Variants in CDH12 observed in about 807,000 individuals in gnomAD.
CDH12 encodes cadherin-12.
CDH12 carries 41 observed loss-of-function variants against 74.1 expected under a neutral mutation model. That is an observed-to-expected ratio of 0.55 (90% CI 0.43 to 0.72). The LOEUF is 0.72. Ranked by LOEUF, CDH12 falls within the 30% of genes least tolerant of loss-of-function variation. The pLI is 0.00. For synonymous variants in CDH12, 399 were observed against 355.0 expected (o/e 1.12, Z -1.39); for missense variants, 945 against 977.2 (o/e 0.97, Z 0.44).
intron 10 of CDH12, among the ~76,000 whole-genome samples, chr5:21,794,568 C>T (rs2149912153): frequency 6.6e-6 from 1 of 151,768 alleles, no homozygotes; most frequent in East Asian, 1.9e-4. Context: ...TGAGGTATTC[C>T]ATATCAAACC....
intron 1 of CDH12, among the ~76,000 whole-genome samples, chr5:22,790,138 A>T (rs1561032615): frequency 6.6e-6 from 1 of 152,248 alleles, no homozygotes; most frequent in South Asian, 2.1e-4. Flanking sequence ...TAATTCTAAA[A>T]CTGTTGTAAA....
At position 21,795,915 on chromosome 5, in the gene CDH12, T is replaced by A. The variant is rs370138188; in HGVS notation, c.1256+6252A>T. ...AATCAATTCCAATTGATTACAGCAA[T>A]TTTTACAAAAGTGTGGTAAAAAGAC... is the stretch of plus-strand genomic sequence containing the variant. On this transcript the variant is annotated intron_variant, in intron 10 of 14. Transcript: ENST00000382254. 9.2e-5 allele frequency among the ~76,000 whole-genome samples: 14 copies of A among 152,172 alleles called. 1 individual carries two copies. In the East Asian group the frequency reaches 1.5e-3, roughly 17 times the overall value.
At chr5:21,863,808 A>G (rs1040658132) in intron 6 of CDH12, among the ~76,000 whole-genome samples, 8 of 152,206 alleles carry the variant, frequency 5.3e-5, no homozygotes, top group Non-Finnish European at 1.2e-4. Context: ...AGGAGAGTTA[A>G]TGTAAATTTC....
Position 21,836,354 on chromosome 5 carries a change from T to C in CDH12, c.814+5807A>G, listed in dbSNP as rs796169212. Among the ~76,000 whole-genome samples, 29 of 151,764 alleles carry C rather than the reference T, an allele frequency of 1.9e-4. 1 individual carries two copies. Among genetic ancestry groups the C allele is most frequent in the African/African-American group, 6.5e-4 (27 of 41,420 alleles). Reference sequence around the variant, plus strand: ...AATTGCTTTAAAATGTTGTTGTATTTATGAGTAAGAAATTTTCTTAGAACG... The same window carrying C: ...AATTGCTTTAAAATGTTGTTGTATTCATGAGTAAGAAATTTTCTTAGAACG... On this transcript the variant is annotated intron_variant, in intron 8 of 14. Transcript: ENST00000382254.
rs914293023 is a variant in CDH12 at position 22,032,686 on chromosome 5, C to T, written c.231+45760G>A. The stretch of plus-strand genomic sequence containing the variant: ...TCGTGCCACTGTACTCCAGCCTGGG[C>T]GATAGAGTGAGATTCCATCTCAAAA... On this transcript the variant is annotated intron_variant, in intron 5 of 14. Coordinates refer to ENST00000382254, the MANE Select transcript of CDH12 (RefSeq NM_004061.5). Among the ~76,000 whole-genome samples, 10 of 143,646 alleles carry T rather than the reference C, an allele frequency of 7.0e-5. No individual in the cohort carries two copies. In the East Asian group the frequency reaches 8.0e-4, roughly 12 times the overall value. The allele number at this position is 143,646 out of a possible 152,430, so 94.2% of individuals were successfully genotyped here.
chr5:22,124,132 GATTATT>G (rs1020990263), intron 4 of CDH12, among the ~76,000 whole-genome samples: 1 of 150,584 alleles, frequency 6.6e-6, no homozygotes, highest in Non-Finnish European at 1.5e-5. Flanking sequence ...ACTCCCTGCT[GATTATT>G]ATTATTATTA....
chr5:22,493,124 A>C (rs570266243), intron 2 of CDH12, among the ~76,000 whole-genome samples: 1 of 152,214 alleles, frequency 6.6e-6, no homozygotes, highest in South Asian at 2.1e-4. Context: ...ACATGATCTC[A>C]TCGTGGATTC....
intron 4 of CDH12, among the ~76,000 whole-genome samples, chr5:22,211,057 C>T (rs1260919764): frequency 1.3e-5 from 2 of 152,174 alleles, no homozygotes; most frequent in Non-Finnish European, 2.9e-5. Context: ...GTTTACTCCT[C>T]TGGAAGAAGC....
intron 2 of CDH12, among the ~76,000 whole-genome samples, chr5:22,441,094 CT>C (rs1744605900): frequency 1.3e-5 from 2 of 152,228 alleles, no homozygotes; most frequent in South Asian, 4.1e-4. Flanking sequence ...TACAGAGGGC[CT>C]ACTATTCACT....
chr5:21,778,909 A>G (rs1220063963), intron 11 of CDH12, among the ~76,000 whole-genome samples: 1 of 152,190 alleles, frequency 6.6e-6, no homozygotes, highest in East Asian at 1.9e-4. Context: ...GAAATTTTAA[A>G]AAGTTACAAC....
intron 2 of CDH12, among the ~76,000 whole-genome samples, chr5:22,471,828 AT>A (rs1240638104): frequency 2.0e-5 from 3 of 152,142 alleles, no homozygotes; most frequent in Non-Finnish European, 4.4e-5. Flanking sequence ...AACTTTGTAG[AT>A]TATTTTACTC....
intron 3 of CDH12, among the ~76,000 whole-genome samples, chr5:22,358,523 A>G (rs1298755790): frequency 6.6e-6 from 1 of 152,210 alleles, no homozygotes; most frequent in East Asian, 1.9e-4. Context: ...TTCACTGACA[A>G]TCTGGAGTGA....
At chr5:22,105,957 T>C (rs1487236766) in intron 4 of CDH12, among the ~76,000 whole-genome samples, 4 of 152,164 alleles carry the variant, frequency 2.6e-5, no homozygotes, top group African/African-American at 4.8e-5. Flanking sequence ...AGCTAGTATA[T>C]AGTTGTCAGA....
intron 3 of CDH12, among the ~76,000 whole-genome samples, chr5:22,330,216 T>A (rs1463009635): frequency 1.3e-5 from 2 of 152,024 alleles, no homozygotes; most frequent in African/African-American, 4.8e-5. Context: ...CCATTCCAGT[T>A]TGTAGCTCCA....
At chr5:22,153,939 T>G (rs1747822697) in intron 4 of CDH12, among the ~76,000 whole-genome samples, 1 of 145,126 alleles carries the variant, frequency 6.9e-6, no homozygotes, top group Non-Finnish European at 1.5e-5. Flanking sequence ...AACATATATA[T>G]GTATATATGT....
intron 1 of CDH12, among the ~76,000 whole-genome samples, chr5:22,551,293 G>C (rs1328932590): frequency 6.6e-6 from 1 of 152,112 alleles, no homozygotes; most frequent in African/African-American, 2.4e-5. Flanking sequence ...CAATCTTCTG[G>C]CACCTTGGTC....
At chr5:22,345,240 T>C (rs1213256937) in intron 3 of CDH12, among the ~76,000 whole-genome samples, 3 of 152,212 alleles carry the variant, frequency 2.0e-5, no homozygotes, top group African/African-American at 7.2e-5. Flanking sequence ...TGATTCATGC[T>C]GAGATTGCAG....
intron 1 of CDH12, among the ~76,000 whole-genome samples, chr5:22,685,987 G>T (rs1463567569): frequency 6.6e-6 from 1 of 152,136 alleles, no homozygotes; most frequent in Non-Finnish European, 1.5e-5. Flanking sequence ...TTCCAAAGCG[G>T]CAAGGTTATA....
intron 1 of CDH12, among the ~76,000 whole-genome samples, chr5:22,730,323 T>C (rs955900124): frequency 3.3e-5 from 5 of 151,886 alleles, no homozygotes; most frequent in African/African-American, 1.2e-4. Flanking sequence ...GACCCAATCA[T>C]GTCCAAAACA....
Sources: gnomAD v4.1 joint callset for allele counts (sites outside exome capture counted in the v4.1 genomes callset) on GRCh38, gnomAD v4.1.1 for gene constraint, MANE v1.5 for transcripts, NCBI Gene and HGNC (gene_info 2026-07-23, HGNC 2026-07-21) for gene names.